Variants in LMF1 observed in about 807,000 individuals in gnomAD.
LMF1 encodes transmembrane protein 112.
LMF1 carries 68 observed loss-of-function variants against 60.6 expected under a neutral mutation model. The ratio of observed to expected loss-of-function variants is 1.12; its 90% CI spans 0.92 to 1.37. The LOEUF (loss-of-function observed/expected upper bound fraction) is 1.37. Among genes scored for constraint, LMF1 ranks in the 40% most tolerant of loss-of-function variants. The pLI is 0.00. For synonymous variants in LMF1, 418 were observed against 324.7 expected (o/e 1.29, Z -3.09); for missense variants, 948 against 767.2 (o/e 1.24, Z -2.78).
intron 4 of LMF1, among the ~76,000 whole-genome samples, chr16:896,250 CCA>C (rs1315381309): frequency 2.7e-5 from 4 of 150,506 alleles, no homozygotes; most frequent in Admixed American, 2.7e-4. Flanking sequence ...GCTGCACGGT[CCA>C]CACACACGCC....
At chr16:964,424 C>T (rs745507227) in intron 1 of LMF1, among the ~76,000 whole-genome samples, 4 of 152,058 alleles carry the variant, frequency 2.6e-5, no homozygotes, top group Non-Finnish European at 5.9e-5. Flanking sequence ...TCTTACTGGC[C>T]GTGGTTAAAT....
At position 876,903 on chromosome 16, in the gene LMF1, G is replaced by A. The variant is rs367797246; in HGVS notation, c.897+2667C>T. On this transcript the variant is annotated intron_variant, in intron 6 of 10. Transcript: ENST00000262301. ...GAGAGAGAAAGATACAAAGAACAAA[G>A]AGAAAAACACAAAGATGTGGAAATA... Among the ~76,000 whole-genome samples, 120 of 152,330 alleles carry A rather than the reference G, an allele frequency of 7.9e-4. 1 individual carries two copies. In the East Asian group the frequency reaches 0.019, roughly 24 times the overall value.
intron 3 of LMF1, chr16:931,687 G>C: frequency 7.8e-7 from 1 of 1,287,214 alleles, no homozygotes; most frequent in Non-Finnish European, 1.0e-6. Flanking sequence ...GGGAAGGGAA[G>C]ACAGTTCAAA....
chr16:948,273 C>CAG (rs201138674), intron 2 of LMF1, among the ~76,000 whole-genome samples: 3 of 150,024 alleles, frequency 2.0e-5, no homozygotes, highest in African/African-American at 4.9e-5. Flanking sequence ...ACGACAGAGT[C>CAG]AGCCAACGAC....
intron 2 of LMF1, among the ~76,000 whole-genome samples, chr16:935,053 G>A (rs897624570): frequency 3.3e-5 from 5 of 152,160 alleles, no homozygotes; most frequent in Admixed American, 2.0e-4. Context: ...GGAACAGGCC[G>A]GTCCACAGAC....
intron 3 of LMF1, chr16:931,586 T>G (rs2071785657): frequency 7.9e-7 from 1 of 1,259,712 alleles, no homozygotes; most frequent in African/African-American, 1.5e-5. Flanking sequence ...TCAGGAAGCC[T>G]GACCTTCCAG....
At position 861,643 on chromosome 16, in the gene LMF1, G is replaced by A. The variant is rs149330549; in HGVS notation, c.1530-6937C>T. ...AGTGCTGGGATTGCAGGTGTGAGCC[G>A]CTGCGCCCGGCCTCGCTTCATAATT... On this transcript the variant is annotated intron_variant, in intron 10 of 10. Transcript: ENST00000262301. Among the ~76,000 whole-genome samples the A allele has an allele frequency of 7.1e-3, 1,079 of 152,164 alleles. 6 individuals are homozygous for A. The highest frequency in any genetic ancestry group is 0.025 in the African/African-American group (1,020 of 41,502).
chr16:931,898 C>T, intron 3 of LMF1: 1 of 914,358 alleles, frequency 1.1e-6, no homozygotes, highest in Non-Finnish European at 1.5e-6. Flanking sequence ...CTACAATTAC[C>T]ACCTGCTACC....
At chr16:898,288 C>T (rs576836393) in intron 4 of LMF1, among the ~76,000 whole-genome samples, 2 of 131,354 alleles carry the variant, frequency 1.5e-5, no homozygotes, top group South Asian at 5.1e-4. Context: ...TTGAGGGCAG[C>T]TGTTTCCTCC....
rs548568612 is a variant in LMF1 at position 898,842 on chromosome 16, G to A, written c.664-5770C>T. ...TTAGAAATCAGACAGAGCAGATTTT[G>A]GACTTACTGTATTTTTATTTTTATT... On this transcript the variant is annotated intron_variant, in intron 4 of 10. Coordinates refer to ENST00000262301, the MANE Select transcript of LMF1 (RefSeq NM_022773.4). The A allele has an allele frequency of 2.6e-5, 4 of 152,296 alleles. 1 individual carries two copies. The highest frequency in any genetic ancestry group is 1.9e-4 in the East Asian group (1 of 5,184). The allele number at this position is 152,296 out of a possible 1,614,324, so 9.4% of individuals were successfully genotyped here. A position where few individuals can be genotyped will look rare whatever the true frequency, so the allele number is the denominator to read the frequency against.
At chr16:939,015 A>G (rs182321341) in intron 2 of LMF1, among the ~76,000 whole-genome samples, 1 of 152,322 alleles carries the variant, frequency 6.6e-6, no homozygotes, top group East Asian at 1.9e-4. Context: ...TACACCTTCC[A>G]CGTGCATTTA....
intron 3 of LMF1, among the ~76,000 whole-genome samples, chr16:918,292 G>A (rs4984980): frequency 0.32 from 48,464 of 152,062 alleles, 9,773 homozygotes; most frequent in African/African-American, 0.55. Flanking sequence ...CTTGGTTGCC[G>A]TGACAACCAG....
intron 8 of LMF1, 21 bp from the exon 9 acceptor site, chr16:870,087 G>T (rs748351450): frequency 1.3e-6 from 2 of 1,598,924 alleles, no homozygotes; most frequent in Admixed American, 1.7e-5. Flanking sequence ...ACCGAGGCAG[G>T]CCAGGCCCAC....
intron 3 of LMF1, among the ~76,000 whole-genome samples, chr16:930,842 C>T (rs370062794): frequency 2.0e-5 from 3 of 152,128 alleles, no homozygotes; most frequent in South Asian, 2.1e-4. Flanking sequence ...GGTCTGGGGC[C>T]GGGCGCAATG....
chr16:929,568 G>C (rs117844149), intron 3 of LMF1, among the ~76,000 whole-genome samples: 1,873 of 152,306 alleles, frequency 0.012, 23 homozygotes, highest in South Asian at 0.097. Context: ...GGAAGCTCGA[G>C]ACACTCCCAG....
Position 869,072 on chromosome 16 carries a change from G to T in LMF1, c.1417-16C>A. 6.4e-7 allele frequency: 1 copy of T among 1,561,962 alleles called. No homozygotes were observed. On this transcript the variant is annotated splice_polypyrimidine_tract_variant and intron_variant, in intron 9 of 10. Transcript: ENST00000262301. ...GCTCGTAGGTCTGGGAGGAGAGGTC[G>T]GGCTGGAGACGGCTGTGCCACTCGC... is the stretch of plus-strand genomic sequence containing the variant.
chr16:981,347 AGTGTGTGTGT>A (rs752216162), upstream of LMF1: 288 of 96,052 alleles, frequency 3.0e-3, 3 homozygotes, highest in East Asian at 0.011. Context: ...AGAGAGAGAG[AGTGTGTGTGT>A]GTGTGTGTGT....
Position 911,019 on chromosome 16 carries a change from G to A in LMF1, c.575C>T (p.Thr192Met), listed in dbSNP as rs370179235. ...FLGIFLCPLW[T>M]LSRLPQHTPT... The stretch of plus-strand genomic sequence containing the variant: ...GGTATGCTGGGGCAGCCTTGACAGC[G>A]TCCACAGAGGGCACAGGAAGATCCC... Residue 192 changes from threonine to methionine, a missense_variant, in exon 4 of 11, where the codon ACG (threonine) becomes ATG (methionine). Thr to Met is a moderately conservative substitution (Grantham distance 81). Transcript: ENST00000262301. 52 of 1,612,912 alleles carry A rather than the reference G, an allele frequency of 3.2e-5. No individual in the cohort carries two copies. Among genetic ancestry groups the A allele is most frequent in the African/African-American group, 2.3e-4 (17 of 74,906 alleles).
chr16:859,987 T>G (rs1030095812), intron 10 of LMF1, among the ~76,000 whole-genome samples: 9 of 151,356 alleles, frequency 5.9e-5, no homozygotes, highest in Non-Finnish European at 1.3e-4. Context: ...TGCAGTGGTG[T>G]TATGGTGGTT....
Sources: gnomAD v4.1 joint callset for allele counts (sites outside exome capture counted in the v4.1 genomes callset) on GRCh38, gnomAD v4.1.1 for gene constraint, MANE v1.5 for transcripts, NCBI Gene and HGNC (gene_info 2026-07-23, HGNC 2026-07-21) for gene names.